PSAP: variants seen among roughly 807,000 people sequenced by gnomAD.
The protein encoded by PSAP is precursor of saposins.
PSAP carries 25 observed loss-of-function variants against 66.0 expected under a neutral mutation model. The observed-to-expected ratio is 0.38, with a 90% CI of 0.28 to 0.53. PSAP has a LOEUF of 0.53. PSAP is among the 20% of genes least tolerant of loss of function. PSAP has a pLI of 0.83. For missense variants in PSAP, 649 were observed against 668.8 expected (o/e 0.97, Z 0.33); for synonymous variants, 273 against 258.9 (o/e 1.05, Z -0.52).
Position 71,827,331 on chromosome 10 carries a change from G to A in PSAP, c.720+683C>T, listed in dbSNP as rs201793330. 9.3e-5 allele frequency among the ~76,000 whole-genome samples: 14 copies of A among 151,246 alleles called. No homozygotes were observed. In the East Asian group the frequency reaches 1.4e-3, roughly 15 times the overall value. On this transcript the variant is annotated intron_variant, in intron 6 of 13. Transcript: ENST00000394936. ...GGAGAATGGCGTGAACCCGGGAGGC[G>A]GAGCTTGCAGTGAGCCGAGATCGCG...
chr10:71,825,743 G>A (rs1842389713), intron 7 of PSAP, 94 bp downstream of exon 7: 3 of 1,237,384 alleles, frequency 2.4e-6, no homozygotes, highest in South Asian at 2.5e-5. Context: ...AGGTAAAAAA[G>A]GGAAACTAAA....
At chr10:71,826,050 T>C (rs760125507) in intron 6 of PSAP, among the ~76,000 whole-genome samples, 157 bp from the exon 7 acceptor site, 44 of 152,332 alleles carry the variant, frequency 2.9e-4, no homozygotes, top group Non-Finnish European at 5.6e-4. Context: ...GGGCCAGCTT[T>C]AATAAGATGA....
At chr10:71,819,923 G>A in intron 9 of PSAP, 23 bp from the exon 10 acceptor site, 1 of 1,605,190 alleles carries the variant, frequency 6.2e-7, no homozygotes, top group Non-Finnish European at 8.5e-7. Flanking sequence ...AGAGGATCGT[G>A]TGAGAAGACG....
At position 71,818,955 on chromosome 10, in the gene PSAP, G is replaced by A. The variant is rs544212669; in HGVS notation, c.1431+76C>T. On this transcript the variant is annotated intron_variant, in intron 12 of 13. Transcript: ENST00000394936. The stretch of plus-strand genomic sequence containing the variant: ...GACTCCACCCCACGGCCAAGTCTCA[G>A]AGCAACCCTTCCGGGTCTCTGCAGC... 73 of 1,323,592 alleles carry A rather than the reference G, an allele frequency of 5.5e-5. No individual in the cohort carries two copies. In the Admixed American group the frequency reaches 9.0e-4, roughly 16 times the overall value. 82.0% of individuals were successfully genotyped at this position (1,323,592 alleles called of 1,614,324 possible). A position where few individuals can be genotyped will look rare whatever the true frequency, so the allele number is the denominator to read the frequency against.
intron 1 of PSAP, among the ~76,000 whole-genome samples, chr10:71,849,460 G>A (rs962615458): frequency 1.3e-5 from 2 of 152,158 alleles, no homozygotes; most frequent in African/African-American, 4.8e-5. Flanking sequence ...TGGGGGCTGG[G>A]TGCGGTGTCT....
At chr10:71,849,661 C>T (rs1290314557) in intron 1 of PSAP, among the ~76,000 whole-genome samples, 1 of 152,044 alleles carries the variant, frequency 6.6e-6, no homozygotes, top group Non-Finnish European at 1.5e-5. Context: ...CAATAGCGTG[C>T]AAGACTTTCT....
At chr10:71,843,511 G>T (rs552046134) in intron 1 of PSAP, among the ~76,000 whole-genome samples, 2 of 152,148 alleles carry the variant, frequency 1.3e-5, no homozygotes, top group Admixed American at 6.5e-5. Flanking sequence ...AACTTTCTCT[G>T]CGTCTTCTTC....
chr10:71,845,316 T>C (rs1747262135), intron 1 of PSAP, among the ~76,000 whole-genome samples: 1 of 152,120 alleles, frequency 6.6e-6, no homozygotes, highest in African/African-American at 2.4e-5. Flanking sequence ...GAAAAACAAG[T>C]CCAGGAAGGT....
intron 1 of PSAP, among the ~76,000 whole-genome samples, chr10:71,842,511 A>G (rs1452392000): frequency 1.3e-5 from 2 of 152,252 alleles, no homozygotes; most frequent in Non-Finnish European, 2.9e-5. Context: ...GGGGTCCTCA[A>G]TAACTAATTA....
chr10:71,841,190 GC>G (rs371469615), intron 1 of PSAP, among the ~76,000 whole-genome samples: 35 of 152,192 alleles, frequency 2.3e-4, no homozygotes, highest in African/African-American at 8.4e-4. Flanking sequence ...ATGCTGCACC[GC>G]AGTTGGCACA....
intron 11 of PSAP, 105 bp downstream of exon 11, chr10:71,819,360 C>A (rs1336259448): frequency 6.6e-7 from 1 of 1,514,126 alleles, no homozygotes; most frequent in Non-Finnish European, 9.1e-7. Context: ...GGACTCCATG[C>A]CCGGAGGCAG....
chr10:71,829,470 G>A (rs1190673117), intron 4 of PSAP, among the ~76,000 whole-genome samples: 6 of 152,134 alleles, frequency 3.9e-5, no homozygotes, highest in Admixed American at 6.5e-5. Flanking sequence ...TTTTATAAAG[G>A]GCAGTTCCCC....
chr10:71,822,028 C>T (rs1842311246), intron 7 of PSAP, 21 bp from the exon 8 acceptor site: 1 of 1,613,960 alleles, frequency 6.2e-7, no homozygotes, highest in African/African-American at 1.3e-5. Flanking sequence ...CACAGAACAA[C>T]CAGTCAGCAG....
chr10:71,828,219 T>A (rs1408609467), intron 5 of PSAP, 62 bp from the exon 6 acceptor site: 2 of 1,583,630 alleles, frequency 1.3e-6, no homozygotes, highest in Non-Finnish European at 8.7e-7. Flanking sequence ...AAAACGTCCT[T>A]ATATACTCAG....
Position 71,842,195 on chromosome 10 carries a change from C to T in PSAP, c.41-7690G>A, listed in dbSNP as rs373257072. Among the ~76,000 whole-genome samples, 19 of 152,268 alleles carry T rather than the reference C, an allele frequency of 1.2e-4. No individual in the cohort carries two copies. The South Asian group carries it at 3.9e-3, about 32-fold the overall frequency. ...GACATCAGTTGCCATTTTGCTCATT[C>T]ACAAAAGTCCAGTTGAGTTTCTGCG... On this transcript the variant is annotated intron_variant, in intron 1 of 13. Coordinates refer to ENST00000394936, the MANE Select transcript of PSAP (RefSeq NM_002778.4).
In PSAP at chr10:71,828,798, C is replaced by T. The variant is rs578147125; in HGVS notation, c.576+79G>A. 1.3e-4 allele frequency: 190 copies of T among 1,504,982 alleles called. No individual in the cohort carries two copies. The African/African-American group carries it at 1.3e-3, about 10-fold the overall frequency. The allele number at this position is 1,504,982 out of a possible 1,614,324, so 93.2% of individuals were successfully genotyped here. ...GATAAGCCCCAGTTTAAGAACCACA[C>T]GTGCCCTCTCTGTCCCTTTGGTCTC... is the stretch of plus-strand genomic sequence containing the variant. On this transcript the variant is annotated intron_variant, in intron 5 of 13. Coordinates refer to ENST00000394936, the MANE Select transcript of PSAP (RefSeq NM_002778.4).
intron 7 of PSAP, among the ~76,000 whole-genome samples, chr10:71,823,358 A>G (rs1332496576): frequency 1.3e-5 from 2 of 152,232 alleles, no homozygotes; most frequent in African/African-American, 2.4e-5. Flanking sequence ...ATTGTTTCCA[A>G]TTCTCTGGAT....
intron 13 of PSAP, 49 bp downstream of exon 13, chr10:71,818,568 C>A (rs1393145920): frequency 6.6e-7 from 1 of 1,503,876 alleles, no homozygotes; most frequent in Non-Finnish European, 9.2e-7. Flanking sequence ...CTCACACAGG[C>A]TACCCCAGGG....
chr10:71,822,030 A>G lies in PSAP; in HGVS notation c.778-23T>C, dbSNP rs752197941. On this transcript the variant is annotated intron_variant, in intron 7 of 13. Transcript: ENST00000394936. ...TTGCTGAAGAGAGCACAGAACAACC[A>G]GTCAGCAGCAAGCCTACGCCCACTG... The G allele has an allele frequency of 4.3e-6, 7 of 1,613,942 alleles. No individual in the cohort carries two copies. The Admixed American group carries it at 6.7e-5, about 15-fold the overall frequency.
Sources: allele counts gnomAD v4.1 joint callset (sites outside exome capture counted in the v4.1 genomes callset), GRCh38; gene constraint gnomAD v4.1.1; transcripts MANE v1.5; gene names NCBI Gene and HGNC (gene_info 2026-07-23, HGNC 2026-07-21).